The following EPHA6 variants were observed in gnomAD, a reference collection of about 807,000 sequenced individuals.
EPHA6 encodes EPH receptor A6.
In EPHA6, 50 loss-of-function variants were observed where a neutral mutation model predicts 112.0. The ratio of observed to expected loss-of-function variants is 0.45; its 90% CI spans 0.36 to 0.56. The LOEUF is 0.56. EPHA6 is among the 20% of genes least tolerant of loss of function. The pLI is 0.00. For missense variants in EPHA6, 1,280 were observed against 1,417.4 expected (o/e 0.90, Z 1.56); for synonymous variants, 529 against 490.7 (o/e 1.08, Z -1.03).
At chr3:97,544,683 T>C (rs1199831210) in intron 11 of EPHA6, among the ~76,000 whole-genome samples, 1 of 152,224 alleles carries the variant, frequency 6.6e-6, no homozygotes, top group African/African-American at 2.4e-5. Flanking sequence ...CTCCTCTTTG[T>C]ACCTCTGGTA....
intron 2 of EPHA6, among the ~76,000 whole-genome samples, chr3:96,948,736 C>T (rs906709108): frequency 2.6e-5 from 4 of 152,012 alleles, no homozygotes; most frequent in Admixed American, 6.6e-5. Flanking sequence ...AAAATCTGGT[C>T]GCAGTTCTAT....
At chr3:97,029,569 A>G (rs1334980502) in intron 3 of EPHA6, among the ~76,000 whole-genome samples, 1 of 152,106 alleles carries the variant, frequency 6.6e-6, no homozygotes, top group Non-Finnish European at 1.5e-5. Flanking sequence ...AAAGCAGACC[A>G]GTAGTTAACT....
chr3:96,853,149 C>T lies in EPHA6; in HGVS notation c.386-13676C>T, dbSNP rs146943512. ...CCTCTAAGGCATAAAGGCATATTAT[C>T]AAAATGTATAATTACAGCTTGAGAG... On this transcript the variant is annotated intron_variant, in intron 1 of 17. Transcript: ENST00000389672. 9.4e-3 allele frequency among the ~76,000 whole-genome samples: 1,429 copies of T among 152,112 alleles called. 15 individuals carry two copies. The highest frequency in any genetic ancestry group is 0.017 in the Middle Eastern group (5 of 294).
intron 1 of EPHA6, among the ~76,000 whole-genome samples, chr3:96,866,592 C>G (rs937740833): frequency 2.0e-5 from 3 of 151,570 alleles, no homozygotes; most frequent in Non-Finnish European, 4.4e-5. Flanking sequence ...CATTGTTTAA[C>G]AAAAATATAC....
chr3:97,585,965 T>C (rs1291757317), intron 11 of EPHA6, among the ~76,000 whole-genome samples: 1 of 152,234 alleles, frequency 6.6e-6, no homozygotes, highest in African/African-American at 2.4e-5. Context: ...TATTCATGAA[T>C]AGTTATATTT....
At chr3:97,672,404 G>C (rs2030937333) in intron 14 of EPHA6, among the ~76,000 whole-genome samples, 1 of 152,094 alleles carries the variant, frequency 6.6e-6, no homozygotes, top group Admixed American at 6.6e-5. Context: ...AAAATTAGTG[G>C]TTTTGTTGGC....
intron 11 of EPHA6, among the ~76,000 whole-genome samples, chr3:97,573,042 T>C (rs977322508): frequency 1.3e-5 from 2 of 152,190 alleles, no homozygotes; most frequent in Non-Finnish European, 2.9e-5. Flanking sequence ...AAACATATTT[T>C]ATCACTATAT....
At chr3:97,301,855 A>G (rs554131927) in intron 5 of EPHA6, among the ~76,000 whole-genome samples, 3 of 152,194 alleles carry the variant, frequency 2.0e-5, no homozygotes, top group African/African-American at 4.8e-5. Context: ...TTTCTATAAT[A>G]CTTATAGATC....
chr3:97,529,468 AG>A (rs1010222586), intron 10 of EPHA6, among the ~76,000 whole-genome samples: 9 of 152,086 alleles, frequency 5.9e-5, no homozygotes, highest in African/African-American at 2.2e-4. Context: ...GTATTCCTAT[AG>A]TTGATGAGTT....
chr3:96,931,010 A>AG (rs2040291681), intron 2 of EPHA6, among the ~76,000 whole-genome samples: 3 of 148,036 alleles, frequency 2.0e-5, no homozygotes, highest in Admixed American at 2.0e-4. Flanking sequence ...AAAAAAAAAA[A>AG]AAAAAAAAAA....
At chr3:96,961,248 C>G (rs2107751499) in intron 2 of EPHA6, among the ~76,000 whole-genome samples, 1 of 152,328 alleles carries the variant, frequency 6.6e-6, no homozygotes, top group Middle Eastern at 3.4e-3. Flanking sequence ...TTAGGGAAAT[C>G]TGGGGCTCAA....
At chr3:97,542,996 C>G (rs2092887481) in intron 11 of EPHA6, among the ~76,000 whole-genome samples, 1 of 152,082 alleles carries the variant, frequency 6.6e-6, no homozygotes, top group Admixed American at 6.6e-5. Flanking sequence ...TGGATATTAG[C>G]CTTTTGTCAG....
chr3:97,098,755 C>G (rs2047319100), intron 3 of EPHA6, among the ~76,000 whole-genome samples: 1 of 151,758 alleles, frequency 6.6e-6, no homozygotes, highest in Non-Finnish European at 1.5e-5. Flanking sequence ...TGTATTATAA[C>G]ACTACAATCC....
At chr3:97,146,019 A>G (rs2076037047) in intron 3 of EPHA6, among the ~76,000 whole-genome samples, 1 of 151,764 alleles carries the variant, frequency 6.6e-6, no homozygotes, top group Admixed American at 6.6e-5. Context: ...ACACACTGCC[A>G]TATTTTTATT....
chr3:97,153,600 T>C (rs1009576770), intron 3 of EPHA6, among the ~76,000 whole-genome samples: 1 of 152,090 alleles, frequency 6.6e-6, no homozygotes, highest in African/African-American at 2.4e-5. Flanking sequence ...GTAATAGAGC[T>C]CCAGGGACTA....
At chr3:97,189,880 G>C (rs1500699) in intron 3 of EPHA6, among the ~76,000 whole-genome samples, 144,379 of 152,186 alleles carry the variant, frequency 0.95, 68,527 homozygotes, top group East Asian at 1. Context: ...ATTATGATTG[G>C]CCACAATTTT....
chr3:97,192,972 T>A (rs1121129), intron 3 of EPHA6, among the ~76,000 whole-genome samples: 8,821 of 152,154 alleles, frequency 0.058, 853 homozygotes, highest in African/African-American at 0.2. Context: ...TATTTCTGGG[T>A]TCTCTATTCT....
chr3:97,305,818 C>T (rs528816153), intron 5 of EPHA6, among the ~76,000 whole-genome samples: 61 of 151,988 alleles, frequency 4.0e-4, no homozygotes, highest in South Asian at 3.5e-3. Flanking sequence ...TCATGGAACA[C>T]ATTTACCTAT....
chr3:97,466,977 T>C, intron 7 of EPHA6, among the ~76,000 whole-genome samples: 1 of 152,018 alleles, frequency 6.6e-6, no homozygotes, highest in Non-Finnish European at 1.5e-5. Context: ...AGAATTACCT[T>C]CTTTATAATC....
Sources: gnomAD v4.1 joint callset for allele counts (sites outside exome capture counted in the v4.1 genomes callset) on GRCh38, gnomAD v4.1.1 for gene constraint, MANE v1.5 for transcripts, NCBI Gene and HGNC (gene_info 2026-07-23, HGNC 2026-07-21) for gene names.